Variants in SPHKAP observed in about 807,000 individuals in gnomAD.
The protein encoded by SPHKAP is SPHK1 interactor, AKAP domain containing.
A neutral mutation model predicts 137.5 loss-of-function variants in SPHKAP; 67 were observed. The observed-to-expected ratio is 0.49, with a 90% confidence interval of 0.40 to 0.60. The LOEUF (loss-of-function observed/expected upper bound fraction) is 0.60. Ranked by LOEUF, SPHKAP falls within the 20% of genes least tolerant of loss-of-function variation. The pLI is 0.00. For synonymous variants in SPHKAP, 813 were observed against 785.3 expected (o/e 1.04, Z -0.59); for missense variants, 2,097 against 2,069.3 (o/e 1.01, Z -0.26).
chr2:228,021,246 C>T (rs1448697215), intron 6 of SPHKAP, among the ~76,000 whole-genome samples: 1 of 152,158 alleles, frequency 6.6e-6, no homozygotes, highest in Admixed American at 6.6e-5. Flanking sequence ...TGATCGTACT[C>T]CCAAATTAGA....
intron 1 of SPHKAP, among the ~76,000 whole-genome samples, chr2:228,141,812 T>C (rs1354331631): frequency 1.3e-5 from 2 of 152,192 alleles, no homozygotes; most frequent in Non-Finnish European, 2.9e-5. Flanking sequence ...GTGAAAAACA[T>C]GAATTGAAAG....
chr2:227,998,653 C>T (rs918970882), intron 7 of SPHKAP, among the ~76,000 whole-genome samples: 2 of 152,102 alleles, frequency 1.3e-5, no homozygotes, highest in Non-Finnish European at 2.9e-5. Context: ...GACCCTTTCC[C>T]GGTGAGGATC....
intron 1 of SPHKAP, among the ~76,000 whole-genome samples, chr2:228,170,678 A>C (rs1700559188): frequency 6.6e-6 from 1 of 152,160 alleles, no homozygotes; most frequent in Admixed American, 6.6e-5. Context: ...TACACATAAT[A>C]CTATCACACA....
chr2:228,089,748 C>T (rs1044890731), intron 3 of SPHKAP, among the ~76,000 whole-genome samples: 2 of 152,140 alleles, frequency 1.3e-5, no homozygotes, highest in African/African-American at 4.8e-5. Context: ...CATCAAAGGG[C>T]CCCAGGGACA....
intron 1 of SPHKAP, among the ~76,000 whole-genome samples, chr2:228,168,748 C>G (rs1234555272): frequency 6.6e-6 from 1 of 152,086 alleles, no homozygotes; most frequent in Non-Finnish European, 1.5e-5. Context: ...ACATATCTCA[C>G]CTTACATCTA....
intron 1 of SPHKAP, among the ~76,000 whole-genome samples, chr2:228,152,251 T>C (rs1248521998): frequency 6.6e-6 from 1 of 152,204 alleles, no homozygotes; most frequent in Non-Finnish European, 1.5e-5. Flanking sequence ...TTCAAAGTTC[T>C]TTATAAGTTT....
chr2:228,034,257 C>T lies in SPHKAP; in HGVS notation c.247-6714G>A, dbSNP rs868167293. Among the ~76,000 whole-genome samples, 150 of 152,176 alleles carry T rather than the reference C, an allele frequency of 9.9e-4. 1 individual carries two copies. The highest frequency in any genetic ancestry group is 3.4e-3 in the Middle Eastern group (1 of 294). ...TCAGAGAATACTACAAACACCTCTA[C>T]GCAAATAAACTAGAAAATCTAGAAG... On this transcript the variant is annotated intron_variant, in intron 3 of 11. Transcript: ENST00000392056.
intron 2 of SPHKAP, chr2:228,109,433 T>G (rs368652143): frequency 1.1e-6 from 1 of 939,042 alleles, no homozygotes; most frequent in East Asian, 1.2e-4. Flanking sequence ...AGGTACTATG[T>G]TAAGTTTAAA....
At chr2:228,002,903 C>T (rs1027713926) in intron 7 of SPHKAP, among the ~76,000 whole-genome samples, 3 of 152,108 alleles carry the variant, frequency 2.0e-5, no homozygotes, top group African/African-American at 7.2e-5. Flanking sequence ...TTTCTGAGGG[C>T]TCTGTTCTGT....
chr2:227,989,331 A>C (rs1693327248), intron 11 of SPHKAP, among the ~76,000 whole-genome samples: 1 of 152,178 alleles, frequency 6.6e-6, no homozygotes, highest in East Asian at 1.9e-4. Flanking sequence ...CTAGTCAAAA[A>C]GGGACAATAA....
At chr2:228,009,447 T>C (rs1217413318) in intron 7 of SPHKAP, among the ~76,000 whole-genome samples, 1 of 152,214 alleles carries the variant, frequency 6.6e-6, no homozygotes, top group Non-Finnish European at 1.5e-5. Context: ...TCTTTTGGCA[T>C]ATTTATAAGA....
intron 1 of SPHKAP, among the ~76,000 whole-genome samples, chr2:228,168,852 T>A (rs1195004706): frequency 3.9e-5 from 6 of 152,110 alleles, no homozygotes; most frequent in Non-Finnish European, 8.8e-5. Flanking sequence ...ACATTGTGAA[T>A]GCAAAGGAAA....
At chr2:228,039,581 AAATAT>A in intron 3 of SPHKAP, among the ~76,000 whole-genome samples, 1 of 152,034 alleles carries the variant, frequency 6.6e-6, no homozygotes, top group East Asian at 1.9e-4. Context: ...TAGTGATATA[AAATAT>A]ATTTTTGTGA....
intron 1 of SPHKAP, among the ~76,000 whole-genome samples, chr2:228,155,828 T>C (rs536129810): frequency 1.3e-5 from 2 of 152,326 alleles, no homozygotes; most frequent in African/African-American, 4.8e-5. Context: ...ATAAATGTAA[T>C]ATTTGTTGCA....
intron 1 of SPHKAP, among the ~76,000 whole-genome samples, chr2:228,139,722 G>T (rs962961721): frequency 2.6e-5 from 4 of 151,900 alleles, no homozygotes; most frequent in Non-Finnish European, 5.9e-5. Flanking sequence ...GAAGGCTATG[G>T]GGGAATTTTT....
rs1483138671 is a variant in SPHKAP, at chr2:227,991,327, C to T, written c.4722-1G>A. ...AATCTTCTTTTCTTCTACTAATTCA[C>T]TTTGGGAGAAAACAACAGTATATGG... On this transcript the variant is annotated splice_acceptor_variant, in intron 9 of 11. Transcript: ENST00000392056. LOFTEE classifies it high-confidence loss of function. 1 of 1,614,166 alleles carries T rather than the reference C, an allele frequency of 6.2e-7. No homozygotes were observed. The highest frequency in any genetic ancestry group is 1.1e-5 in the South Asian group (1 of 91,084).
At chr2:227,984,051 G>A (rs1388378368) in intron 11 of SPHKAP, among the ~76,000 whole-genome samples, 3 of 152,058 alleles carry the variant, frequency 2.0e-5, no homozygotes, top group Non-Finnish European at 4.4e-5. Flanking sequence ...CTGTAATCCT[G>A]GCACTTTGGG....
chr2:228,022,300 G>A, intron 5 of SPHKAP: 1 of 555,836 alleles, frequency 1.8e-6, no homozygotes, highest in Non-Finnish European at 2.3e-6. Context: ...AGGGAAGAGA[G>A]GCCAGAATTA....
chr2:228,099,246 A>G (rs1447716282), intron 3 of SPHKAP, among the ~76,000 whole-genome samples: 1 of 152,212 alleles, frequency 6.6e-6, no homozygotes, highest in Admixed American at 6.5e-5. Flanking sequence ...TTTCTTCTGC[A>G]TATGGCTAGT....
Sources: gnomAD v4.1 joint callset for allele counts (sites outside exome capture counted in the v4.1 genomes callset) on GRCh38, gnomAD v4.1.1 for gene constraint, MANE v1.5 for transcripts, NCBI Gene and HGNC (gene_info 2026-07-23, HGNC 2026-07-21) for gene names.